MDN1: variants seen among roughly 807,000 people sequenced by gnomAD.
MDN1 encodes the protein midasin AAA ATPase 1.
MDN1 carries 266 observed loss-of-function variants against 669.2 expected under a neutral mutation model. The ratio of observed to expected loss-of-function variants is 0.40; its 90% CI spans 0.36 to 0.44. The LOEUF (loss-of-function observed/expected upper bound fraction) is 0.44. MDN1 is among the 20% of genes least tolerant of loss of function. The pLI is 1.00. For synonymous variants in MDN1, 2,385 were observed against 2,457.1 expected (o/e 0.97, Z 0.87); for missense variants, 5,940 against 6,754.0 (o/e 0.88, Z 4.22).
Position 89,718,841 on chromosome 6 carries a change from T to C in MDN1, c.6247A>G (p.Thr2083Ala). Reference sequence around the variant, plus strand: ...GCCATGATCTTTAATGTGTGGCCAGTAAGGTGTGCCAGAAGCTGGACCAGG... The same window carrying C: ...GCCATGATCTTTAATGTGTGGCCAGCAAGGTGTGCCAGAAGCTGGACCAGG... The part of the protein sequence containing the change: ...TSLVQLLAHL[T>A]GHTLKIMAMN... Residue 2083 changes from threonine (T) to alanine (A), a missense_variant, in exon 42 of 102, where the codon ACT becomes GCT. Physicochemically the swap from Thr to Ala is moderately conservative, Grantham distance 58 (BLOSUM62 0). Transcript: ENST00000369393. 1 of 1,614,218 alleles carries C rather than the reference T, an allele frequency of 6.2e-7. No homozygotes were observed.
At chr6:89,666,093 C>T (rs1489899224) in intron 84 of MDN1, among the ~76,000 whole-genome samples, 3 of 152,124 alleles carry the variant, frequency 2.0e-5, no homozygotes, top group Admixed American at 6.5e-5. Context: ...CCTCCATCCT[C>T]GAAGCCTCTC....
Position 89,732,683 on chromosome 6 carries a change from G to A in MDN1, c.4816C>T (p.Leu1606=). The A allele has an allele frequency of 6.2e-7, 1 of 1,614,020 alleles. No homozygotes were observed. Among genetic ancestry groups the A allele is most frequent in the Admixed American group, 1.7e-5 (1 of 60,002 alleles). ...TTGTTCATGAAGTTAACCCAGGACAGGATATCTCTGATACTGACCACACAC... is the reference window on the plus strand; with the variant it reads ...TTGTTCATGAAGTTAACCCAGGACAAGATATCTCTGATACTGACCACACAC... ...RKCVVSIRDI[L]SWVNFMNKMG... The change falls in exon 34 of 102, where the codon CTG becomes TTG. Residue 1606 remains leucine, a synonymous_variant. Transcript: ENST00000369393.
chr6:89,777,432 T>C (rs1818407532), intron 11 of MDN1, among the ~76,000 whole-genome samples: 1 of 152,334 alleles, frequency 6.6e-6, no homozygotes, highest in South Asian at 2.1e-4. Context: ...CTAACCATAG[T>C]AGGAATTTAG....
At chr6:89,663,815 G>A (rs1809984259) in intron 85 of MDN1, among the ~76,000 whole-genome samples, 2 of 151,728 alleles carry the variant, frequency 1.3e-5, no homozygotes, top group Non-Finnish European at 2.9e-5. Context: ...GGTGGCAGGC[G>A]CCTGTAGTCC....
In MDN1 at chr6:89,653,170, G is replaced by A; in HGVS notation, c.15662-15C>T. The A allele has an allele frequency of 6.2e-7, 1 of 1,600,278 alleles. No homozygotes were observed. Among genetic ancestry groups the A allele is most frequent in the Middle Eastern group, 1.7e-4 (1 of 5,982 alleles). Reference sequence around the variant, plus strand: ...CTCATCAAAGCCTATTTTCATTTAAGGACATAATTTTACTTATAATATTAG... The same window carrying A: ...CTCATCAAAGCCTATTTTCATTTAAAGACATAATTTTACTTATAATATTAG... On this transcript the variant is annotated splice_polypyrimidine_tract_variant and intron_variant, in intron 93 of 101. Transcript: ENST00000369393.
chr6:89,643,738 C>T lies in MDN1; in HGVS notation c.*267G>A, dbSNP rs1053575646. 1.8e-5 allele frequency: 6 copies of T among 331,012 alleles called. No individual in the cohort carries two copies. Among genetic ancestry groups the T allele is most frequent in the Non-Finnish European group, 3.3e-5 (6 of 182,794 alleles). The allele number at this position is 331,012 out of a possible 1,614,324, so 20.5% of individuals were successfully genotyped here. A position where few individuals can be genotyped will look rare whatever the true frequency, so the allele number is the denominator to read the frequency against. On this transcript the variant is annotated 3_prime_UTR_variant, in exon 102 of 102. Coordinates refer to ENST00000369393, the MANE Select transcript of MDN1 (RefSeq NM_014611.3). ...CTCCAACGGTGGGGTATGACCTCCT[C>T]CCAGGCCAGGGCTTCCAAGGCAGGG...
At chr6:89,753,970 G>T in intron 21 of MDN1, 113 bp downstream of exon 21, 1 of 1,089,262 alleles carries the variant, frequency 9.2e-7, no homozygotes, top group Non-Finnish European at 1.3e-6. Context: ...GGTATTATGG[G>T]CTGATCTGAC....
intron 76 of MDN1, among the ~76,000 whole-genome samples, chr6:89,676,523 A>G (rs1490075805): frequency 2.6e-5 from 4 of 152,204 alleles, no homozygotes; most frequent in Admixed American, 2.0e-4. Flanking sequence ...GACTAAGGAC[A>G]GCCAAGCATA....
intron 36 of MDN1, 88 bp from the exon 37 acceptor site, chr6:89,728,043 T>G: frequency 6.9e-7 from 1 of 1,451,566 alleles, no homozygotes; most frequent in Non-Finnish European, 9.3e-7. Flanking sequence ...TGATAAATAC[T>G]TGGGGCTGGC....
intron 36 of MDN1, 101 bp from the exon 37 acceptor site, chr6:89,728,056 C>T: frequency 7.4e-7 from 1 of 1,359,478 alleles, no homozygotes; most frequent in Non-Finnish European, 1.0e-6. Context: ...GGGCTGGCAC[C>T]ACTACTCTTC....
At chr6:89,776,720 C>G (rs1176753334) in intron 11 of MDN1, 25 bp from the exon 12 acceptor site, 2 of 1,465,920 alleles carry the variant, frequency 1.4e-6, no homozygotes, top group Non-Finnish European at 1.9e-6. Context: ...AAGGTAAATG[C>G]TGACTGATTT....
chr6:89,733,548 C>T (rs1815734187), intron 33 of MDN1, among the ~76,000 whole-genome samples: 1 of 149,104 alleles, frequency 6.7e-6, no homozygotes. Context: ...AAGCAGCCTC[C>T]AAAAGCTATA....
rs752121374 is a variant in MDN1, at chr6:89,696,349, C to T, written c.9383+11G>A. The T allele has an allele frequency of 7.4e-6, 12 of 1,612,720 alleles. No individual in the cohort carries two copies. Among genetic ancestry groups the T allele is most frequent in the South Asian group, 1.1e-5 (1 of 90,902 alleles). ...GGAACTTTACAGTCTGCTTCCAGGGCGAGGGAATACCTGAATTCTGCTACT... is the reference window on the plus strand; with the variant it reads ...GGAACTTTACAGTCTGCTTCCAGGGTGAGGGAATACCTGAATTCTGCTACT... On this transcript the variant is annotated intron_variant, in intron 60 of 101. Transcript: ENST00000369393.
intron 40 of MDN1, among the ~76,000 whole-genome samples, chr6:89,722,704 G>A (rs1014082657): frequency 2.0e-5 from 3 of 151,958 alleles, no homozygotes; most frequent in African/African-American, 7.3e-5. Flanking sequence ...AAAATTAGCC[G>A]GAACTGGTGG....
Position 89,685,963 on chromosome 6 carries a change from C to T in MDN1, c.11583G>A (p.Gln3861=). 1 of 1,610,476 alleles carries T rather than the reference C, an allele frequency of 6.2e-7. No individual in the cohort carries two copies. Among genetic ancestry groups the T allele is most frequent in the East Asian group, 2.2e-5 (1 of 44,858 alleles). ...TGCTGACCAGCAACATCAAGGTCAT[C>T]TGTTTGTCATCTTTAAAAATTCAAA... ...EQTEEQEDDK[Q]MTLMLLVSTL... is the part of the protein sequence containing the mutation. Residue 3861 remains glutamine (Q), a synonymous_variant, in exon 70 of 102, where the codon CAG becomes CAA. Coordinates refer to ENST00000369393, the MANE Select transcript of MDN1 (RefSeq NM_014611.3).
In MDN1 at chr6:89,743,188, G is replaced by A. The variant is rs1245871865; in HGVS notation, c.4410C>T (p.Ile1470=). 1 of 1,614,130 alleles carries A rather than the reference G, an allele frequency of 6.2e-7. No homozygotes were observed. Among genetic ancestry groups the A allele is most frequent in the South Asian group, 1.1e-5 (1 of 91,078 alleles). Residue 1470 remains isoleucine (I), a synonymous_variant, in exon 31 of 102, where the codon ATC becomes ATT. Coordinates refer to ENST00000369393, the MANE Select transcript of MDN1 (RefSeq NM_014611.3). ...KEDGFFLLDE[I]SLADDSVLER... is the part of the protein sequence containing the mutation. ...CCAAGACAGAGTCATCGGCCAATGAGATCTCATCCAAGAGGAAAAAGCCGT... is the reference window on the plus strand; with the variant it reads ...CCAAGACAGAGTCATCGGCCAATGAAATCTCATCCAAGAGGAAAAAGCCGT...
At chr6:89,784,845 A>G (rs372270002) in intron 9 of MDN1, among the ~76,000 whole-genome samples, 167 bp downstream of exon 9, 2 of 152,230 alleles carry the variant, frequency 1.3e-5, no homozygotes, top group African/African-American at 2.4e-5. Flanking sequence ...GCTTTCAAAT[A>G]TATTAGCCCA....
chr6:89,677,764 C>T, intron 75 of MDN1, 68 bp from the exon 76 acceptor site: 1 of 1,602,608 alleles, frequency 6.2e-7, no homozygotes, highest in African/African-American at 1.3e-5. Context: ...CCCCTCTCCC[C>T]TGCTACTCAA....
intron 15 of MDN1, among the ~76,000 whole-genome samples, chr6:89,765,100 C>CA (rs1490168779): frequency 6.6e-6 from 1 of 151,646 alleles, no homozygotes; most frequent in Non-Finnish European, 1.5e-5. Flanking sequence ...ACTAAAAATA[C>CA]AAAAAAAATT....
Sources: gnomAD v4.1 joint callset for allele counts (sites outside exome capture counted in the v4.1 genomes callset) on GRCh38, gnomAD v4.1.1 for gene constraint, MANE v1.5 for transcripts, NCBI Gene and HGNC (gene_info 2026-07-23, HGNC 2026-07-21) for gene names.